Variants in IL1RAPL1 observed in about 807,000 individuals in gnomAD.
IL1RAPL1 encodes the protein interleukin-1 receptor accessory protein-like 1.
Under a neutral mutation model 48.4 loss-of-function variants are expected in IL1RAPL1, and 3 were observed. The observed-to-expected ratio is 0.06, with a 90% CI of 0.03 to 0.16. The LOEUF (loss-of-function observed/expected upper bound fraction) is 0.16. Among genes scored for constraint, IL1RAPL1 ranks in the 10% least tolerant of loss-of-function variants. The probability of loss-of-function intolerance (pLI) is 1.00; values close to 1 mark genes in which losing one functional copy is unlikely to be tolerated. For missense variants in IL1RAPL1, 349 were observed against 530.6 expected (o/e 0.66, Z 3.36); for synonymous variants, 185 against 187.7 (o/e 0.99, Z 0.12).
intron 2 of IL1RAPL1, among the ~76,000 whole-genome samples, chrX:29,139,318 A>G (rs1929197833): frequency 9.4e-6 from 1 of 106,518 alleles, no homozygotes; most frequent in Admixed American, 1.0e-4. Context: ...TAATCTTGAG[A>G]GTTTCTAATG....
intron 1 of IL1RAPL1, among the ~76,000 whole-genome samples, chrX:28,741,589 A>AT (rs747239405): frequency 9.8e-5 from 11 of 111,944 alleles, no homozygotes; most frequent in African/African-American, 3.2e-4. Context: ...CAAACAGACT[A>AT]TATTAAAACA....
At chrX:29,566,559 C>T (rs372723718) in intron 5 of IL1RAPL1, among the ~76,000 whole-genome samples, 33 of 88,341 alleles carry the variant, frequency 3.7e-4, no homozygotes, top group Admixed American at 1.2e-3. Context: ...CCAGTGTAGA[C>T]GAGGAGTGGA....
intron 2 of IL1RAPL1, among the ~76,000 whole-genome samples, chrX:28,946,043 T>C (rs1330801186): frequency 1.8e-5 from 2 of 109,324 alleles, no homozygotes; most frequent in East Asian, 5.8e-4. Flanking sequence ...GAATAACACA[T>C]ACAGTGTGAT....
intron 6 of IL1RAPL1, among the ~76,000 whole-genome samples, chrX:29,858,845 C>T (rs1386070954): frequency 2.7e-5 from 3 of 110,930 alleles, no homozygotes; most frequent in East Asian, 2.8e-4. Context: ...TGGCATCACA[C>T]TTGATCATCA....
At position 29,562,103 on chromosome X, in the gene IL1RAPL1, ATCTATCTATCTAATCT is replaced by A. The variant is rs1160992951; in HGVS notation, c.704-106326_704-106311del. Among the ~76,000 whole-genome samples the A allele has an allele frequency of 2.3e-3, 207 of 88,205 alleles. 2 individuals are homozygous for A. Among genetic ancestry groups the A allele is most frequent in the Middle Eastern group, 0.011 (2 of 189 alleles). 76.6% of individuals were successfully genotyped at this position (88,205 alleles called of 115,157 possible). On this transcript the variant is annotated intron_variant, in intron 5 of 10. Coordinates refer to ENST00000378993, the MANE Select transcript of IL1RAPL1 (RefSeq NM_014271.4). ...ATCTAATCTATCTGTCTATCTATCT[ATCTATCTATCTAATCT>A]ATCTATCTATCTATCTATCTATCTA...
At chrX:29,116,910 T>C (rs957251094) in intron 2 of IL1RAPL1, among the ~76,000 whole-genome samples, 4 of 111,615 alleles carry the variant, frequency 3.6e-5, no homozygotes, top group African/African-American at 6.5e-5. Context: ...TGGAATATCA[T>C]CTATATGTGG....
At chrX:28,609,116 T>C (rs905707635) in intron 1 of IL1RAPL1, among the ~76,000 whole-genome samples, 2 of 112,271 alleles carry the variant, frequency 1.8e-5, no homozygotes, top group Middle Eastern at 4.6e-3. Flanking sequence ...AATGTAGTGA[T>C]TGAGTTTGGG....
At position 29,803,106 on chromosome X, in the gene IL1RAPL1, T is replaced by A. The variant is rs190601764; in HGVS notation, c.779-114358T>A. Among the ~76,000 whole-genome samples the A allele has an allele frequency of 5.6e-4, 52 of 92,407 alleles. 3 individuals carry two copies. The highest frequency in any genetic ancestry group is 1.9e-3 in the African/African-American group (48 of 25,631). 80.2% of individuals were successfully genotyped at this position (92,407 alleles called of 115,157 possible). On this transcript the variant is annotated intron_variant, in intron 6 of 10. Coordinates refer to ENST00000378993, the MANE Select transcript of IL1RAPL1 (RefSeq NM_014271.4). ...ATGTGTATATGTATACATGTATACA[T>A]ATATGTATATATGTGTATACATGTA... is the stretch of plus-strand genomic sequence containing the variant.
chrX:29,504,487 A>G (rs868437591), intron 5 of IL1RAPL1, among the ~76,000 whole-genome samples: 5 of 111,727 alleles, frequency 4.5e-5, no homozygotes, highest in Admixed American at 9.5e-5. Flanking sequence ...AAATCTATTA[A>G]TGTTTGTTTT....
At chrX:29,311,331 T>C (rs905345894) in intron 3 of IL1RAPL1, among the ~76,000 whole-genome samples, 3 of 111,876 alleles carry the variant, frequency 2.7e-5, no homozygotes, top group Non-Finnish European at 5.6e-5. Flanking sequence ...CAGAGTTGCA[T>C]TACAATTTGC....
chrX:29,742,495 A>C (rs1928229988), intron 6 of IL1RAPL1, among the ~76,000 whole-genome samples: 1 of 110,485 alleles, frequency 9.1e-6, no homozygotes, highest in African/African-American at 3.3e-5. Context: ...CCTAAAACCA[A>C]TCTGCTGACT....
chrX:29,865,108 T>C (rs1453695228), intron 6 of IL1RAPL1, among the ~76,000 whole-genome samples: 2 of 111,937 alleles, frequency 1.8e-5, no homozygotes, highest in Non-Finnish European at 3.8e-5. Flanking sequence ...GTGTGATTAT[T>C]TTTAACTTCT....
At chrX:29,402,041 G>A (rs1361929800) in intron 5 of IL1RAPL1, among the ~76,000 whole-genome samples, 1 of 110,963 alleles carries the variant, frequency 9.0e-6, no homozygotes, top group African/African-American at 3.3e-5. Context: ...TTATAGGCCC[G>A]TGCCACCATG....
chrX:29,178,916 A>T (rs1410634284), intron 2 of IL1RAPL1, among the ~76,000 whole-genome samples: 5 of 110,917 alleles, frequency 4.5e-5, no homozygotes, highest in Non-Finnish European at 9.5e-5. Flanking sequence ...AGATGTGTGG[A>T]ATTATTTCTG....
chrX:28,843,021 A>G (rs1030738982), intron 2 of IL1RAPL1, among the ~76,000 whole-genome samples: 5 of 109,384 alleles, frequency 4.6e-5, no homozygotes, highest in African/African-American at 1.7e-4. Flanking sequence ...TTTTTTTTTT[A>G]GCTCAAGCAA....
At chrX:28,650,554 G>T (rs1934670968) in intron 1 of IL1RAPL1, among the ~76,000 whole-genome samples, 1 of 111,810 alleles carries the variant, frequency 8.9e-6, no homozygotes, top group Admixed American at 9.5e-5. Flanking sequence ...TGAGATTTGG[G>T]TGGGGACACA....
intron 5 of IL1RAPL1, among the ~76,000 whole-genome samples, chrX:29,655,934 A>T (rs1189223957): frequency 8.9e-6 from 1 of 112,089 alleles, no homozygotes; most frequent in African/African-American, 3.2e-5. Flanking sequence ...CTTACTTGTG[A>T]TCTTATATTT....
At chrX:29,836,027 T>C (rs1243005253) in intron 6 of IL1RAPL1, among the ~76,000 whole-genome samples, 1 of 109,097 alleles carries the variant, frequency 9.2e-6, no homozygotes, top group African/African-American at 3.3e-5. Context: ...TATCATTCCC[T>C]TCCTTAATTT....
intron 2 of IL1RAPL1, among the ~76,000 whole-genome samples, chrX:29,011,735 C>G (rs868801785): frequency 2.7e-5 from 3 of 112,327 alleles, no homozygotes; most frequent in Non-Finnish European, 5.6e-5. Context: ...TAAGCTAAAA[C>G]TTATAAAATT....
Sources: allele counts gnomAD v4.1 joint callset (sites outside exome capture counted in the v4.1 genomes callset), GRCh38; gene constraint gnomAD v4.1.1; transcripts MANE v1.5; gene names NCBI Gene and HGNC (gene_info 2026-07-23, HGNC 2026-07-21).